Variants in ZRANB3 observed in about 807,000 individuals in gnomAD.
ZRANB3 encodes DNA annealing helicase and endonuclease ZRANB3.
ZRANB3 carries 125 observed loss-of-function variants against 133.8 expected under a neutral mutation model. The observed-to-expected ratio is 0.93, with a 90% CI of 0.81 to 1.08. The LOEUF (loss-of-function observed/expected upper bound fraction) is 1.08, where lower values mean the gene tolerates loss of function less well. Among genes scored for constraint, ZRANB3 ranks in the 50% least tolerant of loss-of-function variants. The pLI is 0.00. For missense variants in ZRANB3, 1,229 were observed against 1,275.5 expected (o/e 0.96, Z 0.56); for synonymous variants, 387 against 432.7 (o/e 0.89, Z 1.31).
intron 3 of ZRANB3, among the ~76,000 whole-genome samples, chr2:135,388,952 C>G (rs1326749354): frequency 6.6e-6 from 1 of 152,092 alleles, no homozygotes. Context: ...GTGGCAGGTG[C>G]CTGTAGTCCC....
At chr2:135,369,989 T>C (rs1686099176) in intron 3 of ZRANB3, among the ~76,000 whole-genome samples, 1 of 151,522 alleles carries the variant, frequency 6.6e-6, no homozygotes, top group South Asian at 2.1e-4. Context: ...CACAGAGCTA[T>C]ACACCCCCAC....
At chr2:135,210,813 G>A (rs1210343636) in intron 17 of ZRANB3, among the ~76,000 whole-genome samples, 5 of 152,128 alleles carry the variant, frequency 3.3e-5, no homozygotes, top group Non-Finnish European at 7.3e-5. Context: ...TTCCTATTAA[G>A]AGTAAGGGGG....
intron 1 of ZRANB3, among the ~76,000 whole-genome samples, chr2:135,505,731 T>C (rs1311239684): frequency 2.0e-5 from 3 of 152,196 alleles, no homozygotes; most frequent in Non-Finnish European, 2.9e-5. Context: ...AGGTACTACA[T>C]GCCACAACCT....
At chr2:135,239,076 G>C (rs1695436119) in intron 12 of ZRANB3, among the ~76,000 whole-genome samples, 1 of 152,162 alleles carries the variant, frequency 6.6e-6, no homozygotes, top group African/African-American at 2.4e-5. Context: ...AATTTGTTAT[G>C]CAGTAATAGA....
intron 2 of ZRANB3, among the ~76,000 whole-genome samples, chr2:135,458,380 T>C (rs565982243): frequency 6.6e-6 from 1 of 152,094 alleles, no homozygotes; most frequent in African/African-American, 2.4e-5. Context: ...AATTTTAGAA[T>C]CAGCTTGCCA....
intron 19 of ZRANB3, among the ~76,000 whole-genome samples, chr2:135,203,281 T>G (rs1009540013): frequency 1.3e-5 from 2 of 152,138 alleles, no homozygotes; most frequent in African/African-American, 4.8e-5. Flanking sequence ...AGTTTATATA[T>G]TCACTAAACC....
intron 6 of ZRANB3, among the ~76,000 whole-genome samples, chr2:135,344,862 T>C (rs1312949959): frequency 1.3e-5 from 2 of 152,196 alleles, no homozygotes; most frequent in Non-Finnish European, 2.9e-5. Context: ...CAAATTGTGC[T>C]ATATATGTTG....
chr2:135,491,736 T>C (rs1692386515), intron 2 of ZRANB3, among the ~76,000 whole-genome samples: 1 of 151,920 alleles, frequency 6.6e-6, no homozygotes. Flanking sequence ...AGGATGGTCT[T>C]GATCTCCTGA....
rs1558835964 is a variant in ZRANB3, at chr2:135,217,477, T to C, written c.2483A>G (p.Asn828Ser). 6.8e-6 allele frequency: 11 copies of C among 1,606,586 alleles called. No homozygotes were observed. The highest frequency in any genetic ancestry group is 5.1e-5 in the Admixed American group (3 of 58,502). ...AGACAACTCATACCTTTTGGTGCAATTTTGTTTGGTTTGTTGCTTTGTGAT... is the reference window on the plus strand; with the variant it reads ...AGACAACTCATACCTTTTGGTGCAACTTTGTTTGGTTTGTTGCTTTGTGAT... ...EEITKQQTKQ[N>S]CTKRYITKED... The change falls in exon 17 of 21, where the codon AAT (asparagine) becomes AGT (serine). Residue 828 changes from asparagine to serine, a missense_variant. Transcript: ENST00000264159.
intron 3 of ZRANB3, among the ~76,000 whole-genome samples, chr2:135,380,796 C>A (rs1384969056): frequency 6.6e-6 from 1 of 152,060 alleles, no homozygotes; most frequent in Non-Finnish European, 1.5e-5. Context: ...TAGCAGAAGG[C>A]AAGAAATAAC....
At chr2:135,467,123 G>T (rs995967054) in intron 2 of ZRANB3, among the ~76,000 whole-genome samples, 3 of 152,080 alleles carry the variant, frequency 2.0e-5, no homozygotes, top group Non-Finnish European at 4.4e-5. Context: ...TTCCTCTTCC[G>T]ATGGCTTAAT....
chr2:135,387,769 T>G (rs1687045424), intron 3 of ZRANB3, among the ~76,000 whole-genome samples: 1 of 152,058 alleles, frequency 6.6e-6, no homozygotes, highest in Non-Finnish European at 1.5e-5. Context: ...ATTAAACGGA[T>G]TTTGCAATGT....
chr2:135,493,084 T>C (rs1288671031), intron 2 of ZRANB3, among the ~76,000 whole-genome samples: 9 of 110,420 alleles, frequency 8.2e-5, no homozygotes, highest in African/African-American at 3.3e-4. Flanking sequence ...TATTTAAAAA[T>C]TGAGATGATA....
chr2:135,482,773 T>C (rs967226304), intron 2 of ZRANB3, among the ~76,000 whole-genome samples: 2 of 152,256 alleles, frequency 1.3e-5, no homozygotes, highest in African/African-American at 4.8e-5. Context: ...TAGCTCTTAT[T>C]ATTTTGAAAT....
chr2:135,346,369 G>T (rs1212890637), intron 5 of ZRANB3, among the ~76,000 whole-genome samples: 2 of 152,072 alleles, frequency 1.3e-5, no homozygotes, highest in East Asian at 3.8e-4. Flanking sequence ...CAAAGTGCTG[G>T]AATTACAGGC....
intron 3 of ZRANB3, among the ~76,000 whole-genome samples, chr2:135,356,178 T>A (rs574851977): frequency 1.6e-4 from 24 of 151,702 alleles, no homozygotes; most frequent in East Asian, 1.4e-3. Flanking sequence ...AAAAAAAAAA[T>A]TTCAGTTAGA....
intron 1 of ZRANB3, among the ~76,000 whole-genome samples, chr2:135,517,683 T>G (rs1167328447): frequency 6.6e-6 from 1 of 152,190 alleles, no homozygotes. Context: ...CTCTCCTGTC[T>G]GAGGTGTCTG....
chr2:135,396,873 CA>C (rs1687516026), intron 2 of ZRANB3, among the ~76,000 whole-genome samples: 4 of 151,938 alleles, frequency 2.6e-5, no homozygotes, highest in Admixed American at 2.0e-4. Context: ...GCTTATTATG[CA>C]TTGTATGCCT....
At chr2:135,493,397 T>C (rs1261868363) in intron 2 of ZRANB3, among the ~76,000 whole-genome samples, 2 of 151,056 alleles carry the variant, frequency 1.3e-5, no homozygotes, top group Admixed American at 6.6e-5. Context: ...ACAAGATACA[T>C]ATCTGGCAAA....
Sources: allele counts gnomAD v4.1 joint callset (sites outside exome capture counted in the v4.1 genomes callset), GRCh38; gene constraint gnomAD v4.1.1; transcripts MANE v1.5; gene names NCBI Gene and HGNC (gene_info 2026-07-23, HGNC 2026-07-21).